The following NNMT variants were observed in gnomAD, a reference collection of about 807,000 sequenced individuals.
The protein encoded by NNMT is nicotinamide N-methyltransferase.
Under a neutral mutation model 11.7 loss-of-function variants are expected in NNMT, and 10 were observed. The observed-to-expected ratio is 0.85, with a 90% CI of 0.53 to 1.45. The LOEUF is 1.45. Among genes scored for constraint, NNMT ranks in the 40% most tolerant of loss-of-function variants. NNMT has a pLI of 0.00. For missense variants in NNMT, 381 were observed against 319.4 expected, an observed-to-expected ratio of 1.19 and a Z score of -1.47; for synonymous variants, 143 against 133.8, an observed-to-expected ratio of 1.07 and a Z score of -0.48.
intron 1 of NNMT, among the ~76,000 whole-genome samples, chr11:114,297,066 T>C (rs1477745449): frequency 6.6e-6 from 1 of 152,238 alleles, no homozygotes; most frequent in Non-Finnish European, 1.5e-5. Context: ...GCTGTGAATA[T>C]GCATGAGATA....
rs1169971042 is a variant in NNMT at position 114,296,593 on chromosome 11, AGCCATT to A, written c.38_43del (p.Ser13_Phe15delinsIle). 3.7e-6 allele frequency: 6 copies of A among 1,614,010 alleles called. No homozygotes were observed. Among genetic ancestry groups the A allele is most frequent in the Admixed American group, 3.3e-5 (2 of 60,006 alleles). On this transcript the variant is annotated inframe_deletion, in exon 1 of 3. Coordinates refer to ENST00000299964, the MANE Select transcript of NNMT (RefSeq NM_006169.3). ...CTTCACCTCCAAGGACACCTATCTA[AGCCATT>A]TTAACCCTCGGGATTACCTAGAAAA... is the stretch of plus-strand genomic sequence containing the variant.
At chr11:114,258,392 G>A (rs1945048001) in intron 1 of NNMT, among the ~76,000 whole-genome samples, 1 of 152,248 alleles carries the variant, frequency 6.6e-6, no homozygotes, top group South Asian at 2.1e-4. Flanking sequence ...CGCCAGCAGA[G>A]GTTTGCTGAA....
chr11:114,275,500 A>G (rs1945207173), intron 2 of NNMT, among the ~76,000 whole-genome samples: 1 of 152,196 alleles, frequency 6.6e-6, no homozygotes. Flanking sequence ...AAGAGCACTG[A>G]CTGCAGGGTT....
chr11:114,303,772 A>G (rs1591838353), intron 2 of NNMT, among the ~76,000 whole-genome samples: 2 of 152,202 alleles, frequency 1.3e-5, no homozygotes, highest in East Asian at 3.9e-4. Context: ...ACTGGGGTGC[A>G]GTGGTGAGAT....
rs941424119 is a variant in NNMT at position 114,263,667 on chromosome 11, G to A, written c.-130+733G>A. ...CTGCTCGCTCCCTCCCCTGTATGCCGTTCAAATTAAGTCCCCCTTTAAAAG... is the reference window on the plus strand; with the variant it reads ...CTGCTCGCTCCCTCCCCTGTATGCCATTCAAATTAAGTCCCCCTTTAAAAG... On this transcript the variant is annotated intron_variant, in intron 2 of 4. Coordinates refer to the NNMT transcript ENST00000535401. 2.9e-4 allele frequency among the ~76,000 whole-genome samples: 44 copies of A among 152,130 alleles called. 1 individual carries two copies. The highest frequency in any genetic ancestry group is 2.6e-3 in the Admixed American group (40 of 15,276).
rs371475692 is a variant in NNMT, at chr11:114,296,587, T to C, written c.31T>C (p.Tyr11His). 1.9e-6 allele frequency: 3 copies of C among 1,614,134 alleles called. 1 individual carries two copies. The highest frequency in any genetic ancestry group is 2.5e-6 in the Non-Finnish European group (3 of 1,180,030). Residue 11 changes from tyrosine (Y) to histidine (H), a missense_variant, in exon 1 of 3, where the codon TAT becomes CAT. By Grantham distance (83) the Tyr-to-His change is moderately conservative. Coordinates refer to ENST00000299964, the MANE Select transcript of NNMT (RefSeq NM_006169.3). Reference protein sequence around the residue: MESGFTSKDTYLSHFNPRDYL... With the variant: MESGFTSKDTHLSHFNPRDYL... ...ATCAGGCTTCACCTCCAAGGACACCTATCTAAGCCATTTTAACCCTCGGGA... is the reference window on the plus strand; with the variant it reads ...ATCAGGCTTCACCTCCAAGGACACCCATCTAAGCCATTTTAACCCTCGGGA...
chr11:114,259,303 C>T (rs1454728732), intron 1 of NNMT, among the ~76,000 whole-genome samples: 2 of 146,680 alleles, frequency 1.4e-5, no homozygotes, highest in Non-Finnish European at 3.0e-5. Context: ...CATGCCCGCT[C>T]GGGCACCTCC....
intron 2 of NNMT, among the ~76,000 whole-genome samples, chr11:114,300,066 A>T (rs1945422976): frequency 6.6e-6 from 1 of 151,014 alleles, no homozygotes; most frequent in Non-Finnish European, 1.5e-5. Flanking sequence ...TTTAATTTTA[A>T]TTCTTTTCTA....
intron 1 of NNMT, among the ~76,000 whole-genome samples, chr11:114,258,907 A>C (rs1945052068): frequency 6.6e-6 from 1 of 152,074 alleles, no homozygotes; most frequent in Non-Finnish European, 1.5e-5. Flanking sequence ...TCTGAGAGCT[A>C]CGCAAACACA....
chr11:114,259,729 C>T (rs1319528376), intron 1 of NNMT, among the ~76,000 whole-genome samples: 10 of 152,164 alleles, frequency 6.6e-5, no homozygotes, highest in East Asian at 1.9e-4. Flanking sequence ...CTGACTCTGC[C>T]GCCCTGCAGC....
At chr11:114,285,977 C>T (rs1406642276) in intron 2 of NNMT, among the ~76,000 whole-genome samples, 1 of 152,174 alleles carries the variant, frequency 6.6e-6, no homozygotes, top group East Asian at 1.9e-4. Context: ...TCATCTGAGG[C>T]ACAGAAGGAC....
At chr11:114,275,013 C>T (rs971964077) in intron 2 of NNMT, among the ~76,000 whole-genome samples, 1 of 152,166 alleles carries the variant, frequency 6.6e-6, no homozygotes, top group Admixed American at 6.5e-5. Flanking sequence ...ACTTACCTTG[C>T]GTAATTTCAG....
In NNMT at chr11:114,299,112, T is replaced by C. The variant is rs368968083; in HGVS notation, c.362+954T>C. 1.2e-4 allele frequency among the ~76,000 whole-genome samples: 18 copies of C among 152,368 alleles called. 1 individual carries two copies. Among genetic ancestry groups the C allele is most frequent in the African/African-American group, 4.3e-4 (18 of 41,592 alleles). On this transcript the variant is annotated intron_variant, in intron 2 of 2. Coordinates refer to ENST00000299964, the MANE Select transcript of NNMT (RefSeq NM_006169.3). ...GTTCTTCTATTCCAACTTTATGCTTTTTATTTATTTTTCTGCCCTTATTAT... is the reference window on the plus strand; with the variant it reads ...GTTCTTCTATTCCAACTTTATGCTTCTTATTTATTTTTCTGCCCTTATTAT...
At chr11:114,266,905 T>C (rs1333563795) in intron 2 of NNMT, among the ~76,000 whole-genome samples, 1 of 152,228 alleles carries the variant, frequency 6.6e-6, no homozygotes, top group African/African-American at 2.4e-5. Context: ...TGAATAAACT[T>C]TTATTCTTTG....
At chr11:114,260,690 C>T (rs1945071852) in intron 1 of NNMT, among the ~76,000 whole-genome samples, 1 of 152,214 alleles carries the variant, frequency 6.6e-6, no homozygotes, top group East Asian at 1.9e-4. Context: ...CCTTGGGGCA[C>T]AGCAGCTCTC....
chr11:114,297,263 C>T lies in NNMT; in HGVS notation c.154+553C>T, dbSNP rs1176487012. On this transcript the variant is annotated intron_variant, in intron 1 of 2. Transcript: ENST00000299964. ...TAGATCTTTTTTACCTTCTCCTAGA[C>T]CTTAAAATTCCTGGCAACATGCCTC... is the stretch of plus-strand genomic sequence containing the variant. The T allele has an allele frequency of 2.6e-5, 4 of 151,870 alleles. No individual in the cohort carries two copies. The East Asian group carries it at 5.8e-4, about 22-fold the overall frequency. 9.4% of individuals were successfully genotyped at this position (151,870 alleles called of 1,614,324 possible).
chr11:114,269,977 A>T (rs918806999), intron 2 of NNMT, among the ~76,000 whole-genome samples: 9 of 152,090 alleles, frequency 5.9e-5, no homozygotes. Context: ...TGTAGAGTTT[A>T]AAAAATTCTA....
intron 1 of NNMT, 131 bp downstream of exon 1, chr11:114,296,841 A>AT (rs1323993013): frequency 1.2e-5 from 10 of 829,862 alleles, no homozygotes; most frequent in Non-Finnish European, 1.9e-5. Context: ...TTTAACTAGG[A>AT]TAAAAACGAA....
chr11:114,271,068 T>A lies in NNMT; in HGVS notation c.-130+8134T>A, dbSNP rs540354599. ...CTGGGATTACAGGCATGAACCACCATGCTCGGCTCCGAATGACCTTTGTAA... is the reference window on the plus strand; with the variant it reads ...CTGGGATTACAGGCATGAACCACCAAGCTCGGCTCCGAATGACCTTTGTAA... On this transcript the variant is annotated intron_variant, in intron 2 of 4. Transcript: ENST00000535401. 2.6e-5 allele frequency among the ~76,000 whole-genome samples: 4 copies of A among 152,212 alleles called. No individual in the cohort carries two copies. In the South Asian group the frequency reaches 8.3e-4, roughly 32 times the overall value.
Sources: gnomAD v4.1 joint callset for allele counts (sites outside exome capture counted in the v4.1 genomes callset) on GRCh38, gnomAD v4.1.1 for gene constraint, MANE v1.5 for transcripts, NCBI Gene and HGNC (gene_info 2026-07-23, HGNC 2026-07-21) for gene names.